CDH12: variants seen among roughly 807,000 people sequenced by gnomAD.
CDH12 encodes the protein cadherin 12.
A neutral mutation model predicts 74.1 loss-of-function variants in CDH12; 41 were observed. The observed-to-expected ratio is 0.55, with a 90% CI of 0.43 to 0.72. The LOEUF is 0.72. CDH12 is among the 30% of genes least tolerant of loss of function. CDH12 has a pLI of 0.00. For synonymous variants in CDH12, 399 were observed against 355.0 expected, an observed-to-expected ratio of 1.12 and a Z score of -1.39; for missense variants, 945 against 977.2, an observed-to-expected ratio of 0.97 and a Z score of 0.44.
chr5:22,794,204 C>T (rs1748068102), intron 1 of CDH12, among the ~76,000 whole-genome samples: 1 of 152,158 alleles, frequency 6.6e-6, no homozygotes, highest in Admixed American at 6.5e-5. Context: ...ACTCCTTCCA[C>T]CTGGAAGGGC....
chr5:22,812,060 G>A (rs1269922614), intron 1 of CDH12, among the ~76,000 whole-genome samples: 2 of 152,106 alleles, frequency 1.3e-5, no homozygotes, highest in African/African-American at 4.8e-5. Flanking sequence ...AAAGGAATCT[G>A]AATCTCAGGT....
intron 2 of CDH12, among the ~76,000 whole-genome samples, chr5:22,423,944 A>G (rs1743770905): frequency 7.3e-6 from 1 of 137,202 alleles, no homozygotes; most frequent in Non-Finnish European, 1.5e-5. Flanking sequence ...CGGAGCTTGC[A>G]GTGAGCCGAG....
intron 2 of CDH12, among the ~76,000 whole-genome samples, chr5:22,460,551 C>T (rs544324261): frequency 3.3e-5 from 5 of 152,008 alleles, no homozygotes; most frequent in East Asian, 1.9e-4. Flanking sequence ...CAAATAAAAA[C>T]GAAAGTGGGA....
At chr5:22,370,343 GGACTCT>G (rs1056640318) in intron 3 of CDH12, among the ~76,000 whole-genome samples, 2 of 152,072 alleles carry the variant, frequency 1.3e-5, no homozygotes, top group African/African-American at 4.8e-5. Flanking sequence ...CAAGTTGCTT[GGACTCT>G]GATAACTGTA....
chr5:21,910,475 T>A (rs1753815572), intron 6 of CDH12, among the ~76,000 whole-genome samples: 1 of 152,088 alleles, frequency 6.6e-6, no homozygotes, highest in South Asian at 2.1e-4. Context: ...GTCCCTTTCT[T>A]GCAAGATCGT....
chr5:22,021,836 A>C (rs1409212972), intron 5 of CDH12, among the ~76,000 whole-genome samples: 3 of 152,048 alleles, frequency 2.0e-5, no homozygotes, highest in Non-Finnish European at 4.4e-5. Context: ...GGCTGTCCAC[A>C]TTATTTATTT....
intron 1 of CDH12, among the ~76,000 whole-genome samples, chr5:22,681,890 T>C (rs977114791): frequency 2.6e-5 from 4 of 152,068 alleles, no homozygotes; most frequent in Non-Finnish European, 5.9e-5. Context: ...CAGAATTTAC[T>C]TATAATAGTT....
intron 1 of CDH12, among the ~76,000 whole-genome samples, chr5:22,771,462 C>T (rs1425188858): frequency 6.6e-6 from 1 of 152,044 alleles, no homozygotes; most frequent in African/African-American, 2.4e-5. Flanking sequence ...ATCTAGTCCA[C>T]ACTTTGATTT....
At chr5:22,229,426 G>A (rs1205689299) in intron 3 of CDH12, among the ~76,000 whole-genome samples, 1 of 134,980 alleles carries the variant, frequency 7.4e-6, no homozygotes. Flanking sequence ...CAGCCTGGGC[G>A]ACAGAGCAAG....
chr5:22,125,684 T>C (rs1745815064), intron 4 of CDH12, among the ~76,000 whole-genome samples: 1 of 152,146 alleles, frequency 6.6e-6, no homozygotes, highest in Non-Finnish European at 1.5e-5. Flanking sequence ...AGACCTGAGG[T>C]TGCCATGGAT....
At chr5:21,898,659 G>A (rs994210760) in intron 6 of CDH12, among the ~76,000 whole-genome samples, 3 of 151,962 alleles carry the variant, frequency 2.0e-5, no homozygotes, top group African/African-American at 7.2e-5. Context: ...CTGAGATCGC[G>A]CCACTGCTCT....
intron 6 of CDH12, among the ~76,000 whole-genome samples, chr5:21,880,678 TC>T (rs1455797368): frequency 4.0e-4 from 56 of 140,560 alleles, no homozygotes; most frequent in African/African-American, 1.4e-3. Flanking sequence ...TTTCTTTCTT[TC>T]TTTCTTTCTT....
At chr5:22,613,133 G>GCAGA (rs1737497661) in intron 1 of CDH12, among the ~76,000 whole-genome samples, 1 of 151,952 alleles carries the variant, frequency 6.6e-6, no homozygotes, top group East Asian at 1.9e-4. Flanking sequence ...TCATCCAAGA[G>GCAGA]CAGATTTTCC....
At chr5:22,667,631 G>A (rs937060447) in intron 1 of CDH12, among the ~76,000 whole-genome samples, 1 of 152,158 alleles carries the variant, frequency 6.6e-6, no homozygotes, top group Admixed American at 6.5e-5. Context: ...AAACAATTAG[G>A]TGGTTATAAA....
At chr5:21,853,214 A>C (rs1440119409) in intron 7 of CDH12, among the ~76,000 whole-genome samples, 9 of 151,568 alleles carry the variant, frequency 5.9e-5, no homozygotes, top group African/African-American at 2.2e-4. Context: ...TTCTTGAAAA[A>C]ATCACTTGTA....
intron 1 of CDH12, among the ~76,000 whole-genome samples, chr5:22,514,833 T>G (rs1736740518): frequency 1.3e-5 from 2 of 152,068 alleles, no homozygotes; most frequent in Admixed American, 6.5e-5. Context: ...CTGATATAGT[T>G]CACTAAGATA....
chr5:22,385,540 T>C (rs1339818958), intron 3 of CDH12, among the ~76,000 whole-genome samples: 2 of 152,194 alleles, frequency 1.3e-5, no homozygotes, highest in Non-Finnish European at 2.9e-5. Context: ...CATACACGTT[T>C]TTCTCAAAGA....
chr5:22,770,738 TTTG>T (rs1320992677), intron 1 of CDH12, among the ~76,000 whole-genome samples: 2 of 152,240 alleles, frequency 1.3e-5, no homozygotes, highest in Admixed American at 1.3e-4. Context: ...ATGATCCTAG[TTTG>T]TTAATATTAC....
chr5:22,558,827 G>T (rs1020094059), intron 1 of CDH12, among the ~76,000 whole-genome samples: 3 of 152,038 alleles, frequency 2.0e-5, no homozygotes, highest in Non-Finnish European at 4.4e-5. Context: ...AATGGCAATG[G>T]AAACAATGTG....
Sources: gnomAD v4.1 joint callset for allele counts (sites outside exome capture counted in the v4.1 genomes callset) on GRCh38, gnomAD v4.1.1 for gene constraint, MANE v1.5 for transcripts, NCBI Gene and HGNC (gene_info 2026-07-23, HGNC 2026-07-21) for gene names.